CNTNAP2: variants seen among roughly 807,000 people sequenced by gnomAD.
CNTNAP2 encodes the protein contactin-associated protein-like 2.
Under a neutral mutation model 155.2 loss-of-function variants are expected in CNTNAP2, and 98 were observed. The ratio of observed to expected loss-of-function variants is 0.63; its 90% CI spans 0.54 to 0.75. The LOEUF (loss-of-function observed/expected upper bound fraction) is 0.75. Among genes scored for constraint, CNTNAP2 ranks in the 30% least tolerant of loss-of-function variants. The pLI, the probability that CNTNAP2 is intolerant of heterozygous loss-of-function variation, is 0.00. For missense variants in CNTNAP2, 1,727 were observed against 1,688.1 expected (o/e 1.02, Z -0.40); for synonymous variants, 651 against 631.2 (o/e 1.03, Z -0.47).
chr7:147,614,317 T>A (rs1397344230), intron 12 of CNTNAP2, among the ~76,000 whole-genome samples: 1 of 152,180 alleles, frequency 6.6e-6, no homozygotes, highest in African/African-American at 2.4e-5. Context: ...TATTGATTCT[T>A]CCAGTCTTTG....
At chr7:146,497,327 A>G (rs1321838822) in intron 1 of CNTNAP2, among the ~76,000 whole-genome samples, 1 of 152,092 alleles carries the variant, frequency 6.6e-6, no homozygotes, top group Non-Finnish European at 1.5e-5. Flanking sequence ...TTATCTATCT[A>G]TATCTGTGGT....
chr7:146,586,218 A>C (rs1194088481), intron 1 of CNTNAP2, among the ~76,000 whole-genome samples: 1 of 152,228 alleles, frequency 6.6e-6, no homozygotes, highest in East Asian at 1.9e-4. Context: ...AATGGAATTA[A>C]ATAAAATTTC....
chr7:146,746,786 A>G (rs1370438961), intron 1 of CNTNAP2, among the ~76,000 whole-genome samples: 1 of 152,150 alleles, frequency 6.6e-6, no homozygotes, highest in African/African-American at 2.4e-5. Context: ...CCTTTTAAAT[A>G]ATCATTTGAA....
At chr7:147,565,695 C>T (rs1427324942) in intron 12 of CNTNAP2, among the ~76,000 whole-genome samples, 2 of 152,166 alleles carry the variant, frequency 1.3e-5, no homozygotes, top group African/African-American at 4.8e-5. Context: ...ACTAACTTCT[C>T]AACATATGGA....
chr7:148,405,331 G>C (rs1697813058), intron 22 of CNTNAP2, among the ~76,000 whole-genome samples: 1 of 151,568 alleles, frequency 6.6e-6, no homozygotes, highest in Admixed American at 6.6e-5. Context: ...CATTCTCCTT[G>C]CGTCATCTCA....
chr7:147,948,926 G>A (rs142400803), intron 14 of CNTNAP2, among the ~76,000 whole-genome samples: 191 of 152,232 alleles, frequency 1.3e-3, no homozygotes, highest in African/African-American at 4.5e-3. Context: ...TAATGGCCAA[G>A]CACGGTGGCC....
intron 13 of CNTNAP2, among the ~76,000 whole-genome samples, chr7:147,691,593 G>A (rs947141436): frequency 3.9e-5 from 6 of 152,088 alleles, no homozygotes; most frequent in Admixed American, 6.6e-5. Context: ...CACAATGTAG[G>A]ATTTCCCCCA....
intron 21 of CNTNAP2, among the ~76,000 whole-genome samples, chr7:148,379,863 T>G (rs1234831216): frequency 6.6e-6 from 1 of 152,240 alleles, no homozygotes; most frequent in Non-Finnish European, 1.5e-5. Flanking sequence ...TCAGGTGCCC[T>G]TTTCTCTTTC....
chr7:148,306,401 C>T (rs375561892), intron 21 of CNTNAP2, among the ~76,000 whole-genome samples: 1 of 152,136 alleles, frequency 6.6e-6, no homozygotes, highest in East Asian at 1.9e-4. Context: ...TCTTTCATTT[C>T]CTGTTCTCTC....
chr7:146,495,698 TTTG>T (rs773045004), intron 1 of CNTNAP2, among the ~76,000 whole-genome samples: 4 of 152,066 alleles, frequency 2.6e-5, no homozygotes, highest in African/African-American at 7.2e-5. Context: ...AACCTTAAAT[TTTG>T]TTGTTGTTGT....
At chr7:147,479,298 A>G (rs1430967149) in intron 10 of CNTNAP2, among the ~76,000 whole-genome samples, 1 of 152,222 alleles carries the variant, frequency 6.6e-6, no homozygotes, top group African/African-American at 2.4e-5. Flanking sequence ...AATATCTGGC[A>G]TATGTATATA....
chr7:146,911,320 G>A (rs1796270905), intron 3 of CNTNAP2, among the ~76,000 whole-genome samples: 1 of 151,992 alleles, frequency 6.6e-6, no homozygotes, highest in African/African-American at 2.4e-5. Context: ...ATACCCAAAG[G>A]ACTATAAATC....
chr7:147,590,997 A>T (rs1382173606), intron 12 of CNTNAP2, among the ~76,000 whole-genome samples: 4 of 152,202 alleles, frequency 2.6e-5, no homozygotes, highest in Non-Finnish European at 5.9e-5. Context: ...AGCTCCTTTA[A>T]GTCTTCATTT....
chr7:146,573,080 T>A lies in CNTNAP2; in HGVS notation c.98-201191T>A, dbSNP rs150315983. Among the ~76,000 whole-genome samples the A allele has an allele frequency of 4.6e-3, 700 of 152,274 alleles. 6 individuals are homozygous for A. Among genetic ancestry groups the A allele is most frequent in the Admixed American group, 7.0e-3 (107 of 15,292 alleles). ...GCGTCTCTTTGGGTCCTTCGATTTC[T>A]CCATTTCGTACAGTGCTTTAGAAAA... On this transcript the variant is annotated intron_variant, in intron 1 of 23. Transcript: ENST00000361727.
intron 1 of CNTNAP2, among the ~76,000 whole-genome samples, chr7:146,276,689 G>A (rs1215357684): frequency 2.0e-5 from 3 of 152,162 alleles, no homozygotes; most frequent in African/African-American, 7.2e-5. Context: ...CAGCAGCCAT[G>A]TTAGGTATCA....
intron 14 of CNTNAP2, among the ~76,000 whole-genome samples, chr7:147,970,392 C>T (rs1463479573): frequency 1.3e-5 from 2 of 152,004 alleles, no homozygotes; most frequent in South Asian, 2.1e-4. Context: ...GGAAAAAGTA[C>T]AGTGTATTTG....
chr7:147,414,448 AAAAG>A (rs1310731009), intron 10 of CNTNAP2, among the ~76,000 whole-genome samples: 2 of 151,766 alleles, frequency 1.3e-5, no homozygotes, highest in Admixed American at 6.6e-5. Flanking sequence ...AAAAAAAAAA[AAAAG>A]GATGCCAACA....
chr7:147,665,101 C>T (rs1795672947), intron 13 of CNTNAP2, among the ~76,000 whole-genome samples: 1 of 152,164 alleles, frequency 6.6e-6, no homozygotes, highest in Non-Finnish European at 1.5e-5. Context: ...AAATTTTTAC[C>T]TGTGCCCCAA....
At chr7:147,794,286 G>T (rs1343111041) in intron 13 of CNTNAP2, among the ~76,000 whole-genome samples, 1 of 151,872 alleles carries the variant, frequency 6.6e-6, no homozygotes, top group Non-Finnish European at 1.5e-5. Flanking sequence ...ATTAGCTGTG[G>T]TTATTTTCTA....
Sources: gnomAD v4.1 joint callset for allele counts (sites outside exome capture counted in the v4.1 genomes callset) on GRCh38, gnomAD v4.1.1 for gene constraint, MANE v1.5 for transcripts, NCBI Gene and HGNC (gene_info 2026-07-23, HGNC 2026-07-21) for gene names.